ZNF823: variants seen among roughly 807,000 people sequenced by gnomAD.
ZNF823 encodes the protein zinc finger protein 823.
In ZNF823, 5 loss-of-function variants were observed where a neutral mutation model predicts 11.4. The observed-to-expected ratio is 0.44, with a 90% CI of 0.23 to 0.92. ZNF823 has a LOEUF of 0.92. ZNF823 is among the 40% of genes least tolerant of loss of function. ZNF823 has a pLI of 0.24. For synonymous variants in ZNF823, 234 were observed against 250.5 expected (o/e 0.93, Z 0.62); for missense variants, 582 against 738.5 (o/e 0.79, Z 2.46).
chr19:11,726,117 C>A (rs1974786240), intron 1 of ZNF823: 1 of 149,446 alleles, frequency 6.7e-6, no homozygotes. Flanking sequence ...GTGGCGCATG[C>A]CTGTAGTCCC....
intron 1 of ZNF823, among the ~76,000 whole-genome samples, chr19:11,734,240 C>CAA (rs112255145): frequency 4.2e-4 from 50 of 119,070 alleles, no homozygotes; most frequent in African/African-American, 1.2e-3. Context: ...GACTCTGTCT[C>CAA]AAAAAAAAAA....
In ZNF823 at chr19:11,723,042, G is replaced by A. The variant is rs373607405; in HGVS notation, c.492C>T (p.Phe164=). 1.4e-5 allele frequency: 23 copies of A among 1,614,018 alleles called. No homozygotes were observed. The highest frequency in any genetic ancestry group is 9.9e-5 in the South Asian group (9 of 91,076). Residue 164 remains phenylalanine (F), a synonymous_variant, in exon 4 of 4, where the codon TTC becomes TTT. Coordinates refer to ENST00000341191, the MANE Select transcript of ZNF823 (RefSeq NM_001080493.4). ...HERPPTGKKP[F]DCKECAKTFS... ...AGGTTTTTGCACATTCTTTACAATCGAAGGGTTTCTTTCCGGTGGGGGGCC... is the reference window on the plus strand; with the variant it reads ...AGGTTTTTGCACATTCTTTACAATCAAAGGGTTTCTTTCCGGTGGGGGGCC...
chr19:11,725,174 T>C (rs770777569), intron 2 of ZNF823, 27 bp downstream of exon 2: 13 of 1,603,240 alleles, frequency 8.1e-6, no homozygotes, highest in African/African-American at 1.3e-5. Flanking sequence ...TCTAATTGAC[T>C]AAGTGAAGAG....
At chr19:11,731,168 C>T (rs1265314546) in intron 1 of ZNF823, among the ~76,000 whole-genome samples, 1 of 151,814 alleles carries the variant, frequency 6.6e-6, no homozygotes, top group Non-Finnish European at 1.5e-5. Context: ...CAAAATTAGC[C>T]AGGCGTGGTG....
intron 1 of ZNF823, among the ~76,000 whole-genome samples, chr19:11,735,731 T>C (rs968969475): frequency 2.0e-5 from 3 of 151,922 alleles, no homozygotes; most frequent in Non-Finnish European, 4.4e-5. Flanking sequence ...ATGCCTTACA[T>C]GGGTATTTAA....
chr19:11,733,411 A>G lies in ZNF823; in HGVS notation c.3+5406T>C, dbSNP rs1314915031. On this transcript the variant is annotated intron_variant, in intron 1 of 3. Coordinates refer to ENST00000341191, the MANE Select transcript of ZNF823 (RefSeq NM_001080493.4). Reference sequence around the variant, plus strand: ...AAAGAAAAAGAAACAATGACCAAATATGTTTTAGGCTGGGCATGGTGACTC... The same window carrying G: ...AAAGAAAAAGAAACAATGACCAAATGTGTTTTAGGCTGGGCATGGTGACTC... 2.6e-5 allele frequency among the ~76,000 whole-genome samples: 4 copies of G among 151,596 alleles called. No homozygotes were observed. The South Asian group carries it at 6.2e-4, about 24-fold the overall frequency.
intron 1 of ZNF823, among the ~76,000 whole-genome samples, chr19:11,731,237 G>A (rs1318421164): frequency 3.9e-5 from 6 of 151,916 alleles, no homozygotes; most frequent in Admixed American, 1.3e-4. Flanking sequence ...GCTTGAACCC[G>A]GGAGGCAGAG....
chr19:11,735,782 T>C (rs987572276), intron 1 of ZNF823, among the ~76,000 whole-genome samples: 2 of 152,096 alleles, frequency 1.3e-5, no homozygotes, highest in African/African-American at 4.8e-5. Context: ...GTAAAATCAC[T>C]CCAATCCAGC....
At chr19:11,733,219 T>G (rs1468188089) in intron 1 of ZNF823, among the ~76,000 whole-genome samples, 2 of 150,978 alleles carry the variant, frequency 1.3e-5, no homozygotes, top group African/African-American at 4.9e-5. Flanking sequence ...ATACAAAAAT[T>G]AGTTGGGCGT....
intron 1 of ZNF823, chr19:11,730,909 T>C (rs1297613152): frequency 6.6e-6 from 1 of 151,018 alleles, no homozygotes; most frequent in African/African-American, 2.4e-5. Flanking sequence ...AATGAAACAA[T>C]TCAAGTCCTA....
At chr19:11,737,902 G>A (rs1436759172) in intron 1 of ZNF823, among the ~76,000 whole-genome samples, 2 of 152,054 alleles carry the variant, frequency 1.3e-5, no homozygotes, top group African/African-American at 4.8e-5. Context: ...GAGGGAAACC[G>A]GTCACCTTTG....
chr19:11,732,169 C>CTTTTTT lies in ZNF823; in HGVS notation c.3+6642_3+6647dup, dbSNP rs1170787951. Among the ~76,000 whole-genome samples, 27 of 135,590 alleles carry CTTTTTT rather than the reference C, an allele frequency of 2.0e-4. 1 individual carries two copies. The highest frequency in any genetic ancestry group is 7.3e-3 in the Middle Eastern group (2 of 274). The allele number at this position is 135,590 out of a possible 152,430, so 89.0% of individuals were successfully genotyped here. A position where few individuals can be genotyped will look rare whatever the true frequency, so the allele number is the denominator to read the frequency against. On this transcript the variant is annotated intron_variant, in intron 1 of 3. Transcript: ENST00000341191. The stretch of plus-strand genomic sequence containing the variant: ...AGGGCAGGGATGGTTAAAGGTTTCC[C>CTTTTTT]TTTTTTTTTTTTTGAGATGGAGTCT...
Position 11,721,837 on chromosome 19 carries a change from C to A in ZNF823, c.1697G>T (p.Arg566Leu). 1 of 1,611,996 alleles carries A rather than the reference C, an allele frequency of 6.2e-7. No homozygotes were observed. The highest frequency in any genetic ancestry group is 8.5e-7 in the Non-Finnish European group (1 of 1,179,470). The change falls in exon 4 of 4, where the codon CGT becomes CTT. Residue 566 changes from arginine to leucine, a missense_variant. Around this residue, in one of 3 missense-constraint regions of ZNF823, gnomAD observed 144 missense variants for 154.3 expected, o/e 0.93. Coordinates refer to ENST00000341191, the MANE Select transcript of ZNF823 (RefSeq NM_001080493.4). ...TTCATGTCCTCGAAGGAAACGGGAACGAGTGAAGGCTTTACCACATTGTAG... is the reference window on the plus strand; with the variant it reads ...TTCATGTCCTCGAAGGAAACGGGAAAGAGTGAAGGCTTTACCACATTGTAG... ...ECLQCGKAFT[R>L]SRFLRGHEKT...
intron 1 of ZNF823, among the ~76,000 whole-genome samples, chr19:11,732,905 T>C (rs1974928375): frequency 6.6e-6 from 1 of 152,228 alleles, no homozygotes; most frequent in Admixed American, 6.5e-5. Flanking sequence ...ATGTGTTTGC[T>C]CTTTCAGGTC....
At chr19:11,729,113 T>G (rs908105375) in intron 1 of ZNF823, among the ~76,000 whole-genome samples, 1 of 151,080 alleles carries the variant, frequency 6.6e-6, no homozygotes. Flanking sequence ...AGGCGGAGGC[T>G]GCAGTGAGCC....
In ZNF823 at chr19:11,722,633, C is replaced by T; in HGVS notation, c.901G>A (p.Glu301Lys). Reference protein sequence around the residue: ...TRLHERTHTGEQPYACKQCGK... With the variant: ...TRLHERTHTGKQPYACKQCGK... ...CATTGCTTACATGCATAGGGTTGTT[C>T]TCCCGTGTGAGTCCTTTCATGTAGT... is the stretch of plus-strand genomic sequence containing the variant. The change falls in exon 4 of 4, where the codon GAA (glutamate) becomes AAA (lysine). Residue 301 changes from glutamate (E) to lysine (K), a missense_variant. By Grantham distance (56) the Glu-to-Lys change is moderately conservative. Transcript: ENST00000341191. The surrounding 1 kb of genome is among the most constrained non-coding windows in gnomAD (Gnocchi z 5.2). The T allele has an allele frequency of 6.2e-7, 1 of 1,614,022 alleles. No homozygotes were observed. Among genetic ancestry groups the T allele is most frequent in the South Asian group, 1.1e-5 (1 of 91,068 alleles).
At chr19:11,726,609 C>T (rs1407634783) in intron 1 of ZNF823, among the ~76,000 whole-genome samples, 2 of 152,102 alleles carry the variant, frequency 1.3e-5, no homozygotes, top group African/African-American at 4.8e-5. Context: ...CACTGGGCCC[C>T]TGGCCATGCG....
At chr19:11,732,322 G>A (rs1165703776) in intron 1 of ZNF823, among the ~76,000 whole-genome samples, 1 of 152,000 alleles carries the variant, frequency 6.6e-6, no homozygotes, top group Non-Finnish European at 1.5e-5. Flanking sequence ...CTGCCACCAC[G>A]CCCAGCTAAT....
intron 3 of ZNF823, among the ~76,000 whole-genome samples, chr19:11,723,898 T>A (rs1206789882): frequency 6.6e-6 from 1 of 152,122 alleles, no homozygotes; most frequent in Non-Finnish European, 1.5e-5. Flanking sequence ...AAAGACTGAA[T>A]AGCTATGTCA....
Sources: allele counts gnomAD v4.1 joint callset (sites outside exome capture counted in the v4.1 genomes callset), GRCh38; gene constraint gnomAD v4.1.1; regional missense constraint gnomAD v4.1.1; non-coding constraint Gnocchi (gnomAD v3.1); transcripts MANE v1.5; gene names NCBI Gene and HGNC (gene_info 2026-07-23, HGNC 2026-07-21).